The following NSD3 variants were observed in gnomAD, a reference collection of about 807,000 sequenced individuals.
The protein encoded by NSD3 is nuclear receptor binding SET domain protein 3, also known as histone-lysine N-methyltransferase NSD3.
Under a neutral mutation model 160.8 loss-of-function variants are expected in NSD3, and 24 were observed. The ratio of observed to expected loss-of-function variants is 0.15; its 90% CI spans 0.11 to 0.21. The LOEUF (loss-of-function observed/expected upper bound fraction) is 0.21, where lower values mean the gene tolerates loss of function less well. NSD3 is among the 10% of genes least tolerant of loss of function. The pLI is 1.00. For synonymous variants in NSD3, 520 were observed against 600.0 expected, an observed-to-expected ratio of 0.87 and a Z score of 1.95; for missense variants, 1,157 against 1,735.9, an observed-to-expected ratio of 0.67 and a Z score of 5.93.
At position 38,275,057 on chromosome 8, in the gene NSD3, G is replaced by T. The variant is rs1449928134; in HGVS notation, c.*584C>A. The T allele has an allele frequency of 4.4e-6, 1 of 229,578 alleles. No individual in the cohort carries two copies. Among genetic ancestry groups the T allele is most frequent in the Non-Finnish European group, 8.6e-6 (1 of 115,926 alleles). 14.2% of individuals were successfully genotyped at this position (229,578 alleles called of 1,614,324 possible). ...AGAGGCCAGATTTAATACTTCCATA[G>T]AGCCCTTCTCTAAGCCTATGAAAAG... On this transcript the variant is annotated 3_prime_UTR_variant, in exon 24 of 24. Transcript: ENST00000317025.
At chr8:38,376,428 ATTCT>A (rs1252237008) in intron 1 of NSD3, among the ~76,000 whole-genome samples, 6 of 151,224 alleles carry the variant, frequency 4.0e-5, no homozygotes, top group Non-Finnish European at 7.4e-5. Context: ...GGCAGCTCTA[ATTCT>A]TTCTTTCTTT....
chr8:38,345,381 G>GGA (rs1382714437), intron 2 of NSD3, among the ~76,000 whole-genome samples: 2 of 150,728 alleles, frequency 1.3e-5, no homozygotes, highest in Admixed American at 6.6e-5. Context: ...AGGGAGAGAG[G>GGA]GAGAGAGAGA....
chr8:38,307,114 CA>C (rs1194554014), intron 12 of NSD3, among the ~76,000 whole-genome samples: 726 of 64,202 alleles, frequency 0.011, 4 homozygotes, highest in African/African-American at 0.032. Flanking sequence ...GATACCGTCT[CA>C]AAAAAAAAAA....
intron 19 of NSD3, among the ~76,000 whole-genome samples, chr8:38,284,965 A>G (rs1198042553): frequency 6.6e-6 from 1 of 152,256 alleles, no homozygotes; most frequent in Non-Finnish European, 1.5e-5. Flanking sequence ...AGATGTCCTG[A>G]GACAGATCTT....
intron 4 of NSD3, among the ~76,000 whole-genome samples, chr8:38,332,566 G>A (rs1170525579): frequency 1.3e-5 from 2 of 152,332 alleles, no homozygotes; most frequent in South Asian, 2.1e-4. Flanking sequence ...CTGATTAAGG[G>A]CAATGCTACT....
intron 1 of NSD3, among the ~76,000 whole-genome samples, chr8:38,350,961 T>C (rs1398796678): frequency 1.3e-5 from 2 of 150,582 alleles, no homozygotes; most frequent in African/African-American, 4.9e-5. Context: ...CAAACATTTC[T>C]TCTAGAAAGT....
intron 16 of NSD3, among the ~76,000 whole-genome samples, chr8:38,291,122 C>G (rs1808989460): frequency 1.3e-5 from 2 of 152,236 alleles, no homozygotes; most frequent in Admixed American, 1.3e-4. Context: ...ATGGCCACTC[C>G]CATTCAAATC....
chr8:38,322,947 T>C (rs940970276), intron 7 of NSD3, among the ~76,000 whole-genome samples: 1 of 152,224 alleles, frequency 6.6e-6, no homozygotes, highest in Non-Finnish European at 1.5e-5. Context: ...AAAAGCAAAA[T>C]GGTCACTTAA....
intron 7 of NSD3, among the ~76,000 whole-genome samples, chr8:38,323,141 G>A (rs1307592894): frequency 2.6e-5 from 4 of 152,016 alleles, no homozygotes; most frequent in Admixed American, 6.6e-5. Context: ...TGCAACCTCC[G>A]CCTCCAGGGT....
At chr8:38,352,995 G>A (rs1810738824) in intron 1 of NSD3, among the ~76,000 whole-genome samples, 1 of 152,092 alleles carries the variant, frequency 6.6e-6, no homozygotes, top group African/African-American at 2.4e-5. Context: ...GCATATGCCA[G>A]GCACCATTCT....
At position 38,316,203 on chromosome 8, in the gene NSD3, T is replaced by C. The variant is rs1809659152; in HGVS notation, c.1856-161A>G. Among the ~76,000 whole-genome samples, 1 of 152,228 alleles carries C rather than the reference T, an allele frequency of 6.6e-6. No individual in the cohort carries two copies. The highest frequency in any genetic ancestry group is 1.5e-5 in the Non-Finnish European group (1 of 68,038). On this transcript the variant is annotated intron_variant, in intron 9 of 23. Transcript: ENST00000317025. This position sits in a 1 kb window ranked among gnomAD's most constrained non-coding sequence, Gnocchi z 4.5. ...AAATAATGAGTCAAAACTTCAGAAC[T>C]TCTGACCTTCCTGGTAGTGACTGAT...
intron 1 of NSD3, among the ~76,000 whole-genome samples, chr8:38,375,971 T>G (rs1811377428): frequency 6.6e-6 from 1 of 152,046 alleles, no homozygotes; most frequent in Admixed American, 6.6e-5. Flanking sequence ...AATGAATAAG[T>G]AACCCATTTT....
At chr8:38,287,414 A>G (rs1445791291) in intron 19 of NSD3, among the ~76,000 whole-genome samples, 9 of 152,172 alleles carry the variant, frequency 5.9e-5, no homozygotes, top group East Asian at 1.9e-4. Flanking sequence ...AAAACGTCTG[A>G]TACTTATGTT....
chr8:38,354,321 T>C (rs1426541255), intron 1 of NSD3, among the ~76,000 whole-genome samples: 1 of 152,238 alleles, frequency 6.6e-6, no homozygotes, highest in Non-Finnish European at 1.5e-5. Context: ...AAGACTATTC[T>C]AGATTAAAAG....
chr8:38,368,069 T>G (rs1811150408), intron 1 of NSD3, among the ~76,000 whole-genome samples: 1 of 152,176 alleles, frequency 6.6e-6, no homozygotes, highest in South Asian at 2.1e-4. Context: ...AACCTCTGCC[T>G]CCAGGGTTCA....
rs1038567989 is a variant in NSD3 at position 38,318,380 on chromosome 8, A to G, written c.1855+515T>C. On this transcript the variant is annotated intron_variant, in intron 9 of 23. Coordinates refer to ENST00000317025, the MANE Select transcript of NSD3 (RefSeq NM_023034.2). The surrounding 1 kb of genome is among the most constrained non-coding windows in gnomAD (Gnocchi z 5.3). ...GTTTAAGCTTTCTTAAACTTTGTGC[A>G]TATCTCAAATAGATTCGCATAAGGT... is the stretch of plus-strand genomic sequence containing the variant. Among the ~76,000 whole-genome samples the G allele has an allele frequency of 6.6e-6, 1 of 152,192 alleles. No homozygotes were observed. Among genetic ancestry groups the G allele is most frequent in the South Asian group, 2.1e-4 (1 of 4,832 alleles).
intron 1 of NSD3, among the ~76,000 whole-genome samples, chr8:38,351,732 G>A (rs1810707201): frequency 1.3e-5 from 2 of 151,228 alleles, no homozygotes; most frequent in Non-Finnish European, 1.5e-5. Context: ...GGACATGGAC[G>A]AAGCTGGAAA....
At chr8:38,358,018 TA>T (rs1379022973) in intron 1 of NSD3, among the ~76,000 whole-genome samples, 1 of 152,074 alleles carries the variant, frequency 6.6e-6, no homozygotes, top group African/African-American at 2.4e-5. Context: ...TGAAGTCAAA[TA>T]AACTTCCAGA....
intron 2 of NSD3, among the ~76,000 whole-genome samples, chr8:38,346,305 T>C (rs960327042): frequency 4.7e-5 from 7 of 147,638 alleles, no homozygotes; most frequent in African/African-American, 9.9e-5. Flanking sequence ...ATAGTATATA[T>C]AGTATATGTA....
Sources: allele counts gnomAD v4.1 joint callset (sites outside exome capture counted in the v4.1 genomes callset), GRCh38; gene constraint gnomAD v4.1.1; non-coding constraint Gnocchi (gnomAD v3.1); transcripts MANE v1.5; gene names NCBI Gene and HGNC (gene_info 2026-07-23, HGNC 2026-07-21).